The following IGF2BP2 variants were observed in gnomAD, a reference collection of about 807,000 sequenced individuals.
The protein encoded by IGF2BP2 is insulin-like growth factor 2 mRNA-binding protein 2.
A neutral mutation model predicts 75.8 loss-of-function variants in IGF2BP2; 17 were observed. The ratio of observed to expected loss-of-function variants is 0.22; its 90% CI spans 0.15 to 0.34. IGF2BP2 has a LOEUF of 0.34. Among genes scored for constraint, IGF2BP2 ranks in the 10% least tolerant of loss-of-function variants. The probability of loss-of-function intolerance (pLI) is 1.00; values close to 1 mark genes in which losing one functional copy is unlikely to be tolerated. For synonymous variants in IGF2BP2, 288 were observed against 295.6 expected (o/e 0.97, Z 0.26); for missense variants, 516 against 772.4 (o/e 0.67, Z 3.93).
intron 7 of IGF2BP2, among the ~76,000 whole-genome samples, chr3:185,677,346 G>A (rs574312357): frequency 6.6e-6 from 1 of 151,756 alleles, no homozygotes; most frequent in African/African-American, 2.4e-5. Context: ...TTCAGAAGCT[G>A]CTGAAAACAG....
At chr3:185,686,975 TA>T (rs1015910101) in intron 7 of IGF2BP2, 81 bp downstream of exon 7, 7 of 1,508,010 alleles carry the variant, frequency 4.6e-6, no homozygotes, top group African/African-American at 1.4e-5. Context: ...TTGGAGTTTT[TA>T]AAAAAAACCT....
chr3:185,657,941 T>C (rs1406170581), intron 11 of IGF2BP2, among the ~76,000 whole-genome samples: 1 of 152,198 alleles, frequency 6.6e-6, no homozygotes, highest in Non-Finnish European at 1.5e-5. Flanking sequence ...GCAGAGGCTC[T>C]TGGGCAAGGC....
intron 2 of IGF2BP2, chr3:185,712,596 G>A (rs1724967598): frequency 6.6e-6 from 1 of 152,054 alleles, no homozygotes; most frequent in Non-Finnish European, 1.5e-5. Flanking sequence ...ATGAGACAGA[G>A]AAGATTCTTT....
At chr3:185,706,292 C>T (rs1724009708) in intron 2 of IGF2BP2, among the ~76,000 whole-genome samples, 1 of 152,126 alleles carries the variant, frequency 6.6e-6, no homozygotes, top group Non-Finnish European at 1.5e-5. Flanking sequence ...GTCCTAGCTA[C>T]TTGGGAGGCT....
At chr3:185,731,874 C>G (rs1360936787) in intron 2 of IGF2BP2, among the ~76,000 whole-genome samples, 2 of 151,874 alleles carry the variant, frequency 1.3e-5, no homozygotes, top group Admixed American at 1.3e-4. Context: ...CCCAGCTACT[C>G]AGGAGGCTGA....
Position 185,707,295 on chromosome 3 carries a change from C to CTTTTTTTTTTT in IGF2BP2, c.240-8959_240-8949dup, listed in dbSNP as rs1159568857. 1.0e-4 allele frequency among the ~76,000 whole-genome samples: 4 copies of CTTTTTTTTTTT among 39,854 alleles called. 1 individual carries two copies. The highest frequency in any genetic ancestry group is 4.5e-4 in the African/African-American group (4 of 8,906). 26.1% of individuals were successfully genotyped at this position (39,854 alleles called of 152,430 possible). ...TTATATTCAGTGTGTAACGAAGGGG[C>CTTTTTTTTTTT]TTTTTTTTTTTTTTTTTTTTTTTTT... On this transcript the variant is annotated intron_variant, in intron 2 of 15. Coordinates refer to ENST00000382199, the MANE Select transcript of IGF2BP2 (RefSeq NM_006548.6).
intron 2 of IGF2BP2, among the ~76,000 whole-genome samples, chr3:185,740,590 T>G (rs1027062253): frequency 1.3e-5 from 2 of 152,230 alleles, no homozygotes; most frequent in African/African-American, 4.8e-5. Flanking sequence ...GAATACCTAC[T>G]CTATGTCAAA....
At chr3:185,673,700 CCTTTTT>C (rs1446310809) in intron 9 of IGF2BP2, among the ~76,000 whole-genome samples, 7 of 152,148 alleles carry the variant, frequency 4.6e-5, no homozygotes, top group Non-Finnish European at 8.8e-5. Context: ...CTGTAACTTG[CCTTTTT>C]CTTTTTTTTA....
chr3:185,667,412 G>A (rs961090148), intron 10 of IGF2BP2, among the ~76,000 whole-genome samples: 1 of 152,074 alleles, frequency 6.6e-6, no homozygotes, highest in Admixed American at 6.5e-5. Flanking sequence ...GGAATTTGAG[G>A]CTGTAGTGTG....
intron 10 of IGF2BP2, among the ~76,000 whole-genome samples, chr3:185,665,329 G>GAGGAGA (rs1717218880): frequency 2.2e-5 from 2 of 90,570 alleles, no homozygotes. Context: ...GAAGGAGGAG[G>GAGGAGA]AGGAGGAGGA....
At chr3:185,808,136 GA>G (rs1739293786) in intron 2 of IGF2BP2, among the ~76,000 whole-genome samples, 3 of 68,494 alleles carry the variant, frequency 4.4e-5, no homozygotes, top group Admixed American at 1.2e-4. Flanking sequence ...AAAAAAAAAA[GA>G]AAGAAAGAAA....
chr3:185,761,035 A>T (rs1046681635), intron 2 of IGF2BP2, among the ~76,000 whole-genome samples: 3 of 152,184 alleles, frequency 2.0e-5, no homozygotes, highest in Non-Finnish European at 4.4e-5. Flanking sequence ...GTAAAGAATG[A>T]ATGCATAACA....
chr3:185,722,102 CTT>C (rs111343732), intron 2 of IGF2BP2: 399 of 258,708 alleles, frequency 1.5e-3, no homozygotes, highest in South Asian at 2.2e-3. Context: ...TTTTTTTTTT[CTT>C]TTTTTTTTTT....
At chr3:185,692,884 A>T in intron 4 of IGF2BP2, 122 bp from the exon 5 acceptor site, 1 of 760,474 alleles carries the variant, frequency 1.3e-6, no homozygotes, top group African/African-American at 1.7e-5. Context: ...CTCCACAGTT[A>T]TCTGCATCTC....
At chr3:185,753,086 A>C (rs1173149237) in intron 2 of IGF2BP2, among the ~76,000 whole-genome samples, 1 of 152,218 alleles carries the variant, frequency 6.6e-6, no homozygotes, top group Non-Finnish European at 1.5e-5. Flanking sequence ...GTGTGAGATC[A>C]AGTTCAAATC....
chr3:185,823,357 C>A (rs1741612905), intron 1 of IGF2BP2, 144 bp from the exon 2 acceptor site: 1 of 518,474 alleles, frequency 1.9e-6, no homozygotes, highest in Middle Eastern at 3.3e-4. Context: ...GCTGGGCGAA[C>A]TTGGTTCCCA....
At chr3:185,688,679 C>T (rs1401127623) in intron 6 of IGF2BP2, among the ~76,000 whole-genome samples, 1 of 152,148 alleles carries the variant, frequency 6.6e-6, no homozygotes, top group Non-Finnish European at 1.5e-5. Flanking sequence ...ATAGAAGAGG[C>T]AACTGATGCT....
intron 2 of IGF2BP2, among the ~76,000 whole-genome samples, chr3:185,786,083 CT>C (rs35946810): frequency 0.31 from 45,843 of 149,938 alleles, 7,376 homozygotes; most frequent in African/African-American, 0.43. Context: ...GCTAATTAAA[CT>C]TTTTTTTTTT....
At chr3:185,685,877 C>G (rs914388584) in intron 7 of IGF2BP2, among the ~76,000 whole-genome samples, 2 of 152,176 alleles carry the variant, frequency 1.3e-5, no homozygotes, top group Non-Finnish European at 2.9e-5. Context: ...CTCCTAGCCT[C>G]CGGCGATCTT....
Sources: gnomAD v4.1 joint callset for allele counts (sites outside exome capture counted in the v4.1 genomes callset) on GRCh38, gnomAD v4.1.1 for gene constraint, MANE v1.5 for transcripts, NCBI Gene and HGNC (gene_info 2026-07-23, HGNC 2026-07-21) for gene names.